The following C20orf96 variants were observed in gnomAD, a reference collection of about 807,000 sequenced individuals.
C20orf96 encodes the protein uncharacterized protein C20orf96.
C20orf96 carries 57 observed loss-of-function variants against 52.6 expected under a neutral mutation model. That is an observed-to-expected ratio of 1.08 (90% CI 0.88 to 1.35). The LOEUF is 1.35. Ranked by LOEUF, C20orf96 falls within the 40% of genes most tolerant of loss-of-function variation. The pLI is 0.00. For synonymous variants in C20orf96, 168 were observed against 157.2 expected, an observed-to-expected ratio of 1.07 and a Z score of -0.51; for missense variants, 478 against 443.6, an observed-to-expected ratio of 1.08 and a Z score of -0.70.
chr20:271,443 T>TACACACACAC (rs71191933), intron 10 of C20orf96, among the ~76,000 whole-genome samples, 176 bp from the exon 11 acceptor site: 26 of 134,538 alleles, frequency 1.9e-4, no homozygotes, highest in Non-Finnish European at 3.1e-4. Context: ...TACACAAGCA[T>TACACACACAC]ACACACACAC....
At chr20:274,084 G>A (rs1471504573) in intron 10 of C20orf96, among the ~76,000 whole-genome samples, 1 of 152,108 alleles carries the variant, frequency 6.6e-6, no homozygotes, top group Admixed American at 6.5e-5. Flanking sequence ...AGATTCATGA[G>A]CCCCACTGAG....
chr20:273,119 C>T (rs1252827666), intron 10 of C20orf96, among the ~76,000 whole-genome samples: 8 of 152,096 alleles, frequency 5.3e-5, no homozygotes, highest in African/African-American at 7.2e-5. Flanking sequence ...GGACTACAGG[C>T]GCACGCCACC....
At chr20:282,668 G>A (rs944216254) in intron 4 of C20orf96, among the ~76,000 whole-genome samples, 16 of 152,098 alleles carry the variant, frequency 1.1e-4, no homozygotes, top group Non-Finnish European at 2.4e-4. Context: ...GTCAGGAGTT[G>A]GAGACCAGCC....
chr20:280,188 G>A (rs553806453), intron 4 of C20orf96, among the ~76,000 whole-genome samples: 1 of 151,730 alleles, frequency 6.6e-6, no homozygotes, highest in Non-Finnish European at 1.5e-5. Context: ...CACCCAGCAG[G>A]TGCATAAAAC....
intron 4 of C20orf96, among the ~76,000 whole-genome samples, chr20:280,052 G>T (rs1318216935): frequency 6.6e-6 from 1 of 152,228 alleles, no homozygotes; most frequent in Non-Finnish European, 1.5e-5. Context: ...AAGCAGGGGA[G>T]GCAAAATGGA....
At position 279,208 on chromosome 20, in the gene C20orf96, G is replaced by A. The variant is rs750115099; in HGVS notation, c.429C>T (p.His143=). 1.9e-6 allele frequency: 3 copies of A among 1,608,012 alleles called. No individual in the cohort carries two copies. Among genetic ancestry groups the A allele is most frequent in the Middle Eastern group, 1.6e-4 (1 of 6,068 alleles). ...CCTGCTGCTGCAGCAGGGCCCGCAC[G>A]TGCAGGGTCGTGCTGTTCTCCATCT... ...IQEMENSTTL[H]VRALLQQQDT... is the part of the protein sequence containing the mutation. The change falls in exon 5 of 11, where the codon CAC becomes CAT. Residue 143 remains histidine, a synonymous_variant. Transcript: ENST00000360321.
At chr20:284,439 G>C (rs2012331355) in intron 3 of C20orf96, among the ~76,000 whole-genome samples, 2 of 152,246 alleles carry the variant, frequency 1.3e-5, no homozygotes, top group Admixed American at 6.5e-5. Context: ...CAGGACAGCA[G>C]AAAGACCAGA....
At chr20:275,726 C>T (rs1001624269) in intron 10 of C20orf96, among the ~76,000 whole-genome samples, 2 of 152,302 alleles carry the variant, frequency 1.3e-5, no homozygotes, top group African/African-American at 4.8e-5. Context: ...ACTAGAAGGG[C>T]CCTTAGAGAT....
chr20:277,787 T>C (rs2012079491), intron 6 of C20orf96, among the ~76,000 whole-genome samples: 1 of 132,428 alleles, frequency 7.6e-6, no homozygotes, highest in African/African-American at 2.8e-5. Flanking sequence ...ACAAAGTCTA[T>C]CCTGTCTTCC....
chr20:289,801 A>G lies in C20orf96; in HGVS notation c.70-125T>C. 8 of 704,908 alleles carry G rather than the reference A, an allele frequency of 1.1e-5. No individual in the cohort carries two copies. The South Asian group carries it at 1.4e-4, about 12-fold the overall frequency. The allele number at this position is 704,908 out of a possible 1,614,324, so 43.7% of individuals were successfully genotyped here. On this transcript the variant is annotated intron_variant, in intron 2 of 10. Coordinates refer to ENST00000360321, the MANE Select transcript of C20orf96 (RefSeq NM_153269.3). The stretch of plus-strand genomic sequence containing the variant: ...TGAGCCTCAATCTTCTCATCTGTAA[A>G]GTGGATCTAATAATAAAACCTACTT...
At chr20:285,690 T>G (rs1023331840) in intron 3 of C20orf96, among the ~76,000 whole-genome samples, 2 of 152,162 alleles carry the variant, frequency 1.3e-5, no homozygotes, top group South Asian at 4.1e-4. Context: ...CAAGCAATTC[T>G]CCTGCCTCAG....
rs759121364 is a variant in C20orf96, at chr20:275,962, A to G, written c.1031+6T>C. 1 of 1,612,996 alleles carries G rather than the reference A, an allele frequency of 6.2e-7. No homozygotes were observed. The highest frequency in any genetic ancestry group is 8.5e-7 in the Non-Finnish European group (1 of 1,179,058). ...TTTAAGAGGCAGTGGCAAAAAGATC[A>G]CATACTTGGGTCTCCGAAGCAGAAC... is the stretch of plus-strand genomic sequence containing the variant. On this transcript the variant is annotated splice_donor_region_variant and intron_variant, in intron 10 of 10. Transcript: ENST00000360321.
At chr20:271,573 C>CT (rs1385220441) in intron 10 of C20orf96, among the ~76,000 whole-genome samples, 1 of 152,174 alleles carries the variant, frequency 6.6e-6, no homozygotes, top group African/African-American at 2.4e-5. Flanking sequence ...GAACTCAGCT[C>CT]TGAAATGCTG....
Position 278,309 on chromosome 20 carries a change from GA to G in C20orf96, c.565+20del, listed in dbSNP as rs1326768070. ...CAAGGTGCCAGGGGGGAGGGTCAAG[GA>G]ATTTGCCAGGGATTCTTACAGCTCA... On this transcript the variant is annotated intron_variant, in intron 6 of 10. Coordinates refer to ENST00000360321, the MANE Select transcript of C20orf96 (RefSeq NM_153269.3). 6.3e-7 allele frequency: 1 copy of G among 1,595,928 alleles called. No homozygotes were observed. The highest frequency in any genetic ancestry group is 8.6e-7 in the Non-Finnish European group (1 of 1,163,540).
chr20:279,627 A>AT (rs1364916204), intron 4 of C20orf96, among the ~76,000 whole-genome samples: 1 of 152,158 alleles, frequency 6.6e-6, no homozygotes, highest in African/African-American at 2.4e-5. Context: ...TAGTGGGTAA[A>AT]TAAAGATGTG....
intron 4 of C20orf96, among the ~76,000 whole-genome samples, chr20:281,658 G>A (rs2012257986): frequency 6.6e-6 from 1 of 152,184 alleles, no homozygotes; most frequent in African/African-American, 2.4e-5. Flanking sequence ...ACTAAGAGAT[G>A]GGCACTATTA....
chr20:287,908 C>CAAAAAAAAAAAAAAAAAAAAAA (rs71327437), intron 3 of C20orf96, among the ~76,000 whole-genome samples: 7 of 63,082 alleles, frequency 1.1e-4, no homozygotes, highest in African/African-American at 4.0e-4. Flanking sequence ...GACTCCTTCT[C>CAAAAAAAAAAAAAAAAAAAAAA]AAAAAAAAAA....
chr20:276,486 A>C, intron 9 of C20orf96: 1 of 985,474 alleles, frequency 1.0e-6, no homozygotes, highest in Non-Finnish European at 1.2e-6. Context: ...GGTGGTGGGC[A>C]GTAACAAGAA....
rs769920971 is a variant in C20orf96, at chr20:276,875, G to C, written c.830C>G (p.Thr277Ser). ...GAGAGCCTCTTCATAGGGACGCTGGGTTTCCTGTGGAGGAAGAAGAGGTCT... is the reference window on the plus strand; with the variant it reads ...GAGAGCCTCTTCATAGGGACGCTGGCTTTCCTGTGGAGGAAGAAGAGGTCT... The part of the protein sequence containing the change: ...KKILSSVVAE[T>S]QRPYEEALLQ... Residue 277 changes from threonine to serine, a missense_variant, in exon 9 of 11, where the codon ACC becomes AGC. By Grantham distance (58) the Thr-to-Ser change is moderately conservative (BLOSUM62 1). Transcript: ENST00000360321. The C allele has an allele frequency of 5.6e-6, 9 of 1,613,888 alleles. No homozygotes were observed. The South Asian group carries it at 8.8e-5, about 16-fold the overall frequency.
Sources: gnomAD v4.1 joint callset for allele counts (sites outside exome capture counted in the v4.1 genomes callset) on GRCh38, gnomAD v4.1.1 for gene constraint, MANE v1.5 for transcripts, NCBI Gene and HGNC (gene_info 2026-07-23, HGNC 2026-07-21) for gene names.